CSMD1: variants seen among roughly 807,000 people sequenced by gnomAD.
The protein encoded by CSMD1 is CUB and sushi domain-containing protein 1.
CSMD1 carries 213 observed loss-of-function variants against 417.5 expected under a neutral mutation model. That is an observed-to-expected ratio of 0.51 (90% CI 0.46 to 0.57). The LOEUF is 0.57. Ranked by LOEUF, CSMD1 falls within the 20% of genes least tolerant of loss-of-function variation. CSMD1 has a pLI of 0.00. For missense variants in CSMD1, 6,923 were observed against 4,529.7 expected (o/e 1.53, Z -15.17); for synonymous variants, 2,862 against 1,736.8 (o/e 1.65, Z -16.11).
At chr8:4,630,805 A>T (rs1414431652) in intron 2 of CSMD1, among the ~76,000 whole-genome samples, 1 of 152,116 alleles carries the variant, frequency 6.6e-6, no homozygotes, top group African/African-American at 2.4e-5. Context: ...CCAGTTAAGA[A>T]GTCACCTCTG....
chr8:3,535,419 G>A (rs1480766256), intron 10 of CSMD1, among the ~76,000 whole-genome samples: 2 of 152,126 alleles, frequency 1.3e-5, no homozygotes, highest in East Asian at 1.9e-4. Context: ...CTGACCTCAA[G>A]GGGTCTTCCC....
intron 2 of CSMD1, among the ~76,000 whole-genome samples, chr8:4,521,680 C>T (rs1251587280): frequency 6.6e-6 from 1 of 152,138 alleles, no homozygotes; most frequent in African/African-American, 2.4e-5. Context: ...AGAAAAGTTG[C>T]CTATTTTATT....
At chr8:4,960,042 A>G (rs1809377017) in intron 1 of CSMD1, among the ~76,000 whole-genome samples, 1 of 152,192 alleles carries the variant, frequency 6.6e-6, no homozygotes, top group Non-Finnish European at 1.5e-5. Flanking sequence ...TAGCCTTCAC[A>G]GTTACTCAGA....
chr8:3,635,147 C>T lies in CSMD1; in HGVS notation c.1010-18350G>A, dbSNP rs184509047. Among the ~76,000 whole-genome samples, 13 of 151,972 alleles carry T rather than the reference C, an allele frequency of 8.6e-5. 1 individual carries two copies. The highest frequency in any genetic ancestry group is 4.6e-4 in the Admixed American group (7 of 15,242). ...TGACTCAGTAAGTGGACGGTGAGTG[C>T]GTGTGAAGGCCAAGGACATGGCTGT... On this transcript the variant is annotated intron_variant, in intron 7 of 69. Coordinates refer to ENST00000635120, the MANE Select transcript of CSMD1 (RefSeq NM_033225.6).
chr8:4,692,577 G>A (rs966715373), intron 1 of CSMD1, among the ~76,000 whole-genome samples: 1 of 152,152 alleles, frequency 6.6e-6, no homozygotes, highest in East Asian at 1.9e-4. Context: ...TGTGAGCCAT[G>A]GGTGAGAGCG....
chr8:3,980,961 G>T (rs1019813158), intron 5 of CSMD1, among the ~76,000 whole-genome samples: 3 of 152,084 alleles, frequency 2.0e-5, no homozygotes, highest in Non-Finnish European at 1.5e-5. Flanking sequence ...TAAAGAGTAG[G>T]GGCCCTGCTC....
At chr8:4,805,811 T>G (rs1202416780) in intron 1 of CSMD1, among the ~76,000 whole-genome samples, 2 of 152,180 alleles carry the variant, frequency 1.3e-5, no homozygotes, top group African/African-American at 4.8e-5. Context: ...AATGTGGTCC[T>G]GGAACATGGA....
chr8:3,464,303 T>A (rs185594589), intron 12 of CSMD1, among the ~76,000 whole-genome samples: 6 of 152,150 alleles, frequency 3.9e-5, no homozygotes, highest in Non-Finnish European at 8.8e-5. Flanking sequence ...AGCAAACATG[T>A]AATTGCTTAT....
chr8:4,324,840 AGAG>A (rs942415488), intron 3 of CSMD1, among the ~76,000 whole-genome samples: 2 of 152,202 alleles, frequency 1.3e-5, no homozygotes, highest in African/African-American at 4.8e-5. Context: ...AAGACAAAGA[AGAG>A]GAGGGACTCC....
intron 5 of CSMD1, among the ~76,000 whole-genome samples, chr8:3,801,406 T>G (rs958616327): frequency 6.6e-6 from 1 of 152,054 alleles, no homozygotes; most frequent in Non-Finnish European, 1.5e-5. Flanking sequence ...AAAACCACAG[T>G]GAGAAAAGCC....
chr8:3,245,097 A>T (rs937540095), intron 26 of CSMD1, among the ~76,000 whole-genome samples: 1 of 152,234 alleles, frequency 6.6e-6, no homozygotes, highest in African/African-American at 2.4e-5. Context: ...TTTGTAAAGC[A>T]GATCATGAAT....
At chr8:4,140,065 G>A (rs1004155109) in intron 3 of CSMD1, among the ~76,000 whole-genome samples, 6 of 150,930 alleles carry the variant, frequency 4.0e-5, no homozygotes, top group Non-Finnish European at 7.4e-5. Context: ...TTAAAAATAA[G>A]ACAATAGCCA....
At position 4,714,505 on chromosome 8, in the gene CSMD1, T is replaced by G. The variant is rs1482291889; in HGVS notation, c.86-76947A>C. On this transcript the variant is annotated intron_variant, in intron 1 of 69. Coordinates refer to ENST00000635120, the MANE Select transcript of CSMD1 (RefSeq NM_033225.6). The stretch of plus-strand genomic sequence containing the variant: ...TCTTACTTAACTTTTCAGAAATACT[T>G]TAATAATTTTGCCCAATTGAACATA... Among the ~76,000 whole-genome samples the G allele has an allele frequency of 5.3e-5, 8 of 152,260 alleles. No homozygotes were observed. The East Asian group carries it at 1.5e-3, about 29-fold the overall frequency.
At chr8:3,820,429 G>C (rs552497741) in intron 5 of CSMD1, among the ~76,000 whole-genome samples, 4 of 152,234 alleles carry the variant, frequency 2.6e-5, no homozygotes, top group South Asian at 4.1e-4. Flanking sequence ...GCCTACACAG[G>C]GTCAGGACAA....
At chr8:3,785,568 G>A (rs1304424201) in intron 5 of CSMD1, among the ~76,000 whole-genome samples, 1 of 152,224 alleles carries the variant, frequency 6.6e-6, no homozygotes, top group Non-Finnish European at 1.5e-5. Flanking sequence ...GAGGTAAGCG[G>A]TGCTAAGAAC....
intron 7 of CSMD1, among the ~76,000 whole-genome samples, chr8:3,693,389 A>G (rs922823374): frequency 1.7e-4 from 26 of 152,204 alleles, no homozygotes; most frequent in South Asian, 2.1e-4. Flanking sequence ...GAATATAATG[A>G]CTTTTGTTAA....
intron 5 of CSMD1, among the ~76,000 whole-genome samples, chr8:3,798,709 T>G (rs994444269): frequency 1.3e-5 from 2 of 152,116 alleles, no homozygotes; most frequent in Non-Finnish European, 1.5e-5. Context: ...TGTACAAACA[T>G]AACTGTATGT....
chr8:4,233,211 TTTTC>T (rs1051346850), intron 3 of CSMD1, among the ~76,000 whole-genome samples: 12 of 152,212 alleles, frequency 7.9e-5, no homozygotes, highest in African/African-American at 2.2e-4. Context: ...TTCTTCAATT[TTTTC>T]TTTTTCTTTT....
Position 3,299,573 on chromosome 8 carries a change from C to T in CSMD1, c.3950+8122G>A, listed in dbSNP as rs200088611. Among the ~76,000 whole-genome samples the T allele has an allele frequency of 4.0e-3, 299 of 73,898 alleles. 4 individuals carry two copies. Among genetic ancestry groups the T allele is most frequent in the African/African-American group, 0.012 (279 of 24,078 alleles). The allele number at this position is 73,898 out of a possible 152,430, so 48.5% of individuals were successfully genotyped here. ...TGTCCCAAGGTCTGGCAGATAAAAG[C>T]ACGCCACCATACAGCGGACATAGGT... On this transcript the variant is annotated intron_variant, in intron 25 of 69. Coordinates refer to ENST00000635120, the MANE Select transcript of CSMD1 (RefSeq NM_033225.6).
Sources: allele counts gnomAD v4.1 joint callset (sites outside exome capture counted in the v4.1 genomes callset), GRCh38; gene constraint gnomAD v4.1.1; transcripts MANE v1.5; gene names NCBI Gene and HGNC (gene_info 2026-07-23, HGNC 2026-07-21).